TANGO6: variants seen among roughly 807,000 people sequenced by gnomAD.
TANGO6 encodes the protein transport and golgi organization 6 homolog, also known as transport and Golgi organization protein 6 homolog.
In TANGO6, 90 loss-of-function variants were observed where a neutral mutation model predicts 114.2. The observed-to-expected ratio is 0.79, with a 90% CI of 0.66 to 0.94. The LOEUF (loss-of-function observed/expected upper bound fraction) is 0.94. Ranked by LOEUF, TANGO6 falls within the 40% of genes least tolerant of loss-of-function variation. TANGO6 has a pLI of 0.00. For synonymous variants in TANGO6, 477 were observed against 509.8 expected (o/e 0.94, Z 0.87); for missense variants, 1,274 against 1,315.3 (o/e 0.97, Z 0.49).
At chr16:69,072,336 C>T (rs1960310518) in intron 17 of TANGO6, among the ~76,000 whole-genome samples, 1 of 152,036 alleles carries the variant, frequency 6.6e-6, no homozygotes, top group Admixed American at 6.6e-5. Context: ...GTGAATGAGA[C>T]GCACCCAGCC....
chr16:68,904,023 T>G (rs1191628865), intron 9 of TANGO6, among the ~76,000 whole-genome samples: 1 of 152,206 alleles, frequency 6.6e-6, no homozygotes, highest in East Asian at 1.9e-4. Context: ...TAAATATAAT[T>G]GTTTGGAATT....
chr16:68,936,751 C>G (rs1056141635), intron 14 of TANGO6, among the ~76,000 whole-genome samples: 6 of 151,906 alleles, frequency 3.9e-5, no homozygotes, highest in African/African-American at 1.5e-4. Flanking sequence ...AGTGGTCCCT[C>G]TCAGTGTCAA....
intron 14 of TANGO6, among the ~76,000 whole-genome samples, chr16:68,965,767 C>T (rs546699227): frequency 6.6e-6 from 1 of 152,126 alleles, no homozygotes; most frequent in Non-Finnish European, 1.5e-5. Context: ...TACCACTGCA[C>T]TCCAGCCTGA....
rs371696084 is a variant in TANGO6, at chr16:69,020,440, C to T, written c.2843-2388C>T. On this transcript the variant is annotated intron_variant, in intron 15 of 17. Coordinates refer to ENST00000261778, the MANE Select transcript of TANGO6 (RefSeq NM_024562.2). ...CTTAAAACATTTAGGAACCAAGGCA[C>T]GAGTGACAAATGTGATTTAAGTCAA... Among the ~76,000 whole-genome samples the T allele has an allele frequency of 1.1e-4, 17 of 152,122 alleles. No homozygotes were observed. The East Asian group carries it at 1.7e-3, about 15-fold the overall frequency.
At chr16:69,019,933 G>A (rs1016203440) in intron 15 of TANGO6, among the ~76,000 whole-genome samples, 5 of 152,080 alleles carry the variant, frequency 3.3e-5, no homozygotes, top group African/African-American at 1.2e-4. Flanking sequence ...ATGTTTTGTT[G>A]AATAAATGAA....
intron 14 of TANGO6, among the ~76,000 whole-genome samples, chr16:68,971,950 C>G (rs903006323): frequency 6.6e-6 from 1 of 152,040 alleles, no homozygotes; most frequent in African/African-American, 2.4e-5. Flanking sequence ...ACATTTTTTT[C>G]TATGCTACAA....
chr16:69,080,863 G>T (rs1368908940), intron 17 of TANGO6, among the ~76,000 whole-genome samples: 2 of 152,172 alleles, frequency 1.3e-5, no homozygotes, highest in Non-Finnish European at 2.9e-5. Flanking sequence ...TCTAGGCCGG[G>T]CGCGGTGGCT....
rs1368239427 is a variant in TANGO6, at chr16:69,057,890, G to A, written c.3108+17469G>A. On this transcript the variant is annotated intron_variant, in intron 17 of 17. Transcript: ENST00000261778. ...CCTTCCTCATGCTCCCCTACCTCTT[G>A]CCAAAAGCACAGTCCAACCACAGAC... 7.9e-5 allele frequency among the ~76,000 whole-genome samples: 12 copies of A among 152,000 alleles called. No individual in the cohort carries two copies. The East Asian group carries it at 2.3e-3, about 29-fold the overall frequency.
At chr16:69,059,992 G>T (rs915789429) in intron 17 of TANGO6, among the ~76,000 whole-genome samples, 5 of 152,088 alleles carry the variant, frequency 3.3e-5, no homozygotes, top group Non-Finnish European at 1.5e-5. Context: ...GCCCTGAGAA[G>T]CTCATGGCAG....
intron 4 of TANGO6, among the ~76,000 whole-genome samples, chr16:68,874,164 A>G (rs974375948): frequency 6.6e-6 from 1 of 152,132 alleles, no homozygotes; most frequent in African/African-American, 2.4e-5. Context: ...CCTTTTGCAG[A>G]TCTTTGGAAC....
chr16:69,081,977 C>T (rs557864766), intron 17 of TANGO6, among the ~76,000 whole-genome samples: 3 of 150,202 alleles, frequency 2.0e-5, no homozygotes, highest in African/African-American at 4.9e-5. Flanking sequence ...AGATTATAGG[C>T]GTGTGCCACT....
intron 16 of TANGO6, among the ~76,000 whole-genome samples, chr16:69,037,847 C>T (rs761085781): frequency 1.4e-4 from 22 of 152,176 alleles, no homozygotes; most frequent in Non-Finnish European, 2.8e-4. Context: ...GCATCACAGA[C>T]GCAATTATGC....
chr16:68,927,124 A>G (rs1251831887), intron 12 of TANGO6, among the ~76,000 whole-genome samples: 4 of 152,158 alleles, frequency 2.6e-5, no homozygotes, highest in Non-Finnish European at 4.4e-5. Flanking sequence ...CTGACTGGCC[A>G]CTTTAGATCA....
At chr16:69,027,780 C>A (rs1475888277) in intron 16 of TANGO6, among the ~76,000 whole-genome samples, 7 of 150,456 alleles carry the variant, frequency 4.7e-5, no homozygotes, top group Admixed American at 4.0e-4. Context: ...GAACCAAACC[C>A]AATTTTTTTT....
intron 14 of TANGO6, among the ~76,000 whole-genome samples, chr16:68,948,024 G>GAT (rs112762612): frequency 0.062 from 9,085 of 147,394 alleles, 698 homozygotes; most frequent in African/African-American, 0.19. Context: ...CAGTGCAGCT[G>GAT]ATATATATAT....
At chr16:68,964,591 G>A (rs142261664) in intron 14 of TANGO6, among the ~76,000 whole-genome samples, 2,444 of 137,164 alleles carry the variant, frequency 0.018, 85 homozygotes, top group African/African-American at 0.063. Context: ...TTTTGAGACA[G>A]AGTCTCGCTC....
chr16:68,905,651 G>A (rs1962840402), intron 9 of TANGO6, among the ~76,000 whole-genome samples: 1 of 152,056 alleles, frequency 6.6e-6, no homozygotes, highest in South Asian at 2.1e-4. Context: ...AGTACCTCAT[G>A]GGAAAGTACA....
chr16:69,047,315 C>T (rs745919573), intron 17 of TANGO6, among the ~76,000 whole-genome samples: 2 of 151,856 alleles, frequency 1.3e-5, no homozygotes, highest in Non-Finnish European at 2.9e-5. Flanking sequence ...GCCAACATGG[C>T]GAAACCCTAT....
intron 14 of TANGO6, among the ~76,000 whole-genome samples, chr16:68,934,663 G>C (rs1391597533): frequency 6.6e-6 from 1 of 152,144 alleles, no homozygotes; most frequent in Non-Finnish European, 1.5e-5. Context: ...AACCTAAAGT[G>C]CTTATAATTC....
Sources: gnomAD v4.1 joint callset for allele counts (sites outside exome capture counted in the v4.1 genomes callset) on GRCh38, gnomAD v4.1.1 for gene constraint, MANE v1.5 for transcripts, NCBI Gene and HGNC (gene_info 2026-07-23, HGNC 2026-07-21) for gene names.